NTRK1: variants seen among roughly 807,000 people sequenced by gnomAD.
The protein encoded by NTRK1 is high affinity nerve growth factor receptor.
In NTRK1, 62 loss-of-function variants were observed where a neutral mutation model predicts 86.8. That is an observed-to-expected ratio of 0.71 (90% CI 0.58 to 0.88). NTRK1 has a LOEUF of 0.88. Ranked by LOEUF, NTRK1 falls within the 40% of genes least tolerant of loss-of-function variation. The pLI is 0.00. For missense variants in NTRK1, 967 were observed against 1,078.4 expected (o/e 0.90, Z 1.45); for synonymous variants, 469 against 456.6 (o/e 1.03, Z -0.35).
chr1:156,842,457 C>G (rs755932101), intron 2 of NTRK1: 40 of 1,613,998 alleles, frequency 2.5e-5, no homozygotes, highest in Non-Finnish European at 3.3e-5. Context: ...GTCATTAACT[C>G]CATGATGACC....
chr1:156,849,926 T>C (rs1157806914), intron 2 of NTRK1, among the ~76,000 whole-genome samples: 2 of 151,874 alleles, frequency 1.3e-5, no homozygotes, highest in Non-Finnish European at 2.9e-5. Flanking sequence ...CTTTTTTTTT[T>C]TTTCCTCACT....
rs750677475 is a variant in NTRK1, at chr1:156,873,776, T to A, written c.994T>A (p.Phe332Ile). Residue 332 changes from phenylalanine (F) to isoleucine (I), a missense_variant, in exon 8 of 17, where the codon TTC becomes ATC. This residue lies in a region of NTRK1 where 637 missense variants were observed against 776.5 expected (regional missense o/e 0.82). Coordinates refer to ENST00000524377, the MANE Select transcript of NTRK1 (RefSeq NM_002529.4). ...TGAGACCAGCTTCATCTTCACTGAG[T>A]TCCTGGAGCCGGCAGCCAATGAGAC... ...LNETSFIFTE[F>I]LEPAANETVR... 2 of 1,613,074 alleles carry A rather than the reference T, an allele frequency of 1.2e-6. No homozygotes were observed. The highest frequency in any genetic ancestry group is 3.3e-5 in the Admixed American group (2 of 59,894).
chr1:156,866,854 C>T (rs568788773), intron 3 of NTRK1, 56 bp from the exon 4 acceptor site: 276 of 1,571,582 alleles, frequency 1.8e-4, no homozygotes, highest in Non-Finnish European at 2.3e-4. Flanking sequence ...TCATTCTGGT[C>T]AGAGTGAGGT....
At chr1:156,845,923 C>A in intron 2 of NTRK1, 1 of 1,604,838 alleles carries the variant, frequency 6.2e-7, no homozygotes, top group Non-Finnish European at 8.5e-7. Flanking sequence ...ACCCGCCCCG[C>A]GGCCGGCCTG....
intron 1 of NTRK1, among the ~76,000 whole-genome samples, chr1:156,830,472 T>G (rs1388311406): frequency 1.3e-5 from 2 of 152,030 alleles, no homozygotes; most frequent in African/African-American, 4.8e-5. Flanking sequence ...CTGGGCAAGT[T>G]TCTTGATCTC....
intron 1 of NTRK1, among the ~76,000 whole-genome samples, chr1:156,838,374 G>GT (rs372028318): frequency 0.1 from 14,783 of 145,304 alleles, 818 homozygotes; most frequent in African/African-American, 0.15. Context: ...CCAGCTACAG[G>GT]CTTTTTTTTT....
chr1:156,862,661 C>T (rs754196046), intron 1 of NTRK1, among the ~76,000 whole-genome samples: 38 of 152,054 alleles, frequency 2.5e-4, no homozygotes, highest in Non-Finnish European at 4.7e-4. Flanking sequence ...ATAATGGACT[C>T]GAATAGACAG....
intron 1 of NTRK1, among the ~76,000 whole-genome samples, chr1:156,819,075 T>C (rs1228594402): frequency 6.6e-6 from 1 of 152,186 alleles, no homozygotes; most frequent in African/African-American, 2.4e-5. Context: ...CTATCTCGGC[T>C]CACTGCAACC....
In NTRK1 at chr1:156,871,570, G is replaced by A. The variant is rs79195317; in HGVS notation, c.718-53G>A. ...GGGCTCTCCAAAGACTTCAGCCCCA[G>A]CCCCAAGCTGGCTAAAGCTCCTTCT... On this transcript the variant is annotated intron_variant, in intron 6 of 16. Coordinates refer to ENST00000524377, the MANE Select transcript of NTRK1 (RefSeq NM_002529.4). The A allele has an allele frequency of 1.6e-4, 251 of 1,608,222 alleles. 2 individuals carry two copies. In the East Asian group the frequency reaches 5.4e-3, roughly 34 times the overall value.
chr1:156,842,584 C>A, intron 2 of NTRK1: 1 of 1,089,156 alleles, frequency 9.2e-7, no homozygotes, highest in Non-Finnish European at 1.4e-6. Context: ...TCTGCTATGA[C>A]CACAGTCTGA....
intron 12 of NTRK1, 191 bp downstream of exon 12, chr1:156,875,857 C>T (rs1647871339): frequency 9.2e-7 from 1 of 1,083,080 alleles, no homozygotes. Context: ...GCTGCATCCC[C>T]TGCCCAGAGT....
At chr1:156,816,298 G>A (rs1365397430) in intron 1 of NTRK1, among the ~76,000 whole-genome samples, 1 of 152,218 alleles carries the variant, frequency 6.6e-6, no homozygotes, top group Admixed American at 6.5e-5. Context: ...TGCCAGAGGA[G>A]GTTGTGAGGG....
chr1:156,843,017 T>C (rs1205897929), intron 2 of NTRK1: 1 of 1,613,540 alleles, frequency 6.2e-7, no homozygotes. Flanking sequence ...ATGGTGACAC[T>C]TGAAGGCTTT....
intron 2 of NTRK1, chr1:156,848,792 A>G: frequency 8.9e-7 from 1 of 1,126,318 alleles, no homozygotes; most frequent in African/African-American, 1.6e-5. Context: ...ACCACGGAGT[A>G]CAACTTGCGG....
In NTRK1 at chr1:156,866,997, A is replaced by G. The variant is rs192153341; in HGVS notation, c.428+19A>G. On this transcript the variant is annotated intron_variant, in intron 4 of 16. Coordinates refer to ENST00000524377, the MANE Select transcript of NTRK1 (RefSeq NM_002529.4). Reference sequence around the variant, plus strand: ...AGGAACTGTGAGTGGGGGCGCTTCCAGGGGCAAGAGCACCAAGTGTGTGTG... The same window carrying G: ...AGGAACTGTGAGTGGGGGCGCTTCCGGGGGCAAGAGCACCAAGTGTGTGTG... 387 of 1,613,302 alleles carry G rather than the reference A, an allele frequency of 2.4e-4. 1 individual carries two copies. In the East Asian group the frequency reaches 7.9e-3, roughly 33 times the overall value.
intron 1 of NTRK1, among the ~76,000 whole-genome samples, chr1:156,839,334 C>T (rs1479800674): frequency 6.6e-6 from 1 of 152,254 alleles, no homozygotes; most frequent in Non-Finnish European, 1.5e-5. Context: ...TGTGGCATGG[C>T]AGCTATGCCC....
At chr1:156,817,996 C>T (rs1470412984) in intron 1 of NTRK1, among the ~76,000 whole-genome samples, 1 of 152,170 alleles carries the variant, frequency 6.6e-6, no homozygotes, top group Admixed American at 6.5e-5. Context: ...TACCAAAGGA[C>T]CAATCCCATT....
exon 1 of NTRK1, chr1:156,815,776 C>G: frequency 1.2e-6 from 2 of 1,611,846 alleles, no homozygotes; most frequent in Non-Finnish European, 1.7e-6. Context: ...CGGACTCAGC[C>G]TGAGCTTCCA....
chr1:156,829,657 T>G (rs1017616075), intron 1 of NTRK1, among the ~76,000 whole-genome samples: 1 of 152,050 alleles, frequency 6.6e-6, no homozygotes, highest in Non-Finnish European at 1.5e-5. Flanking sequence ...TCTTTTTCTT[T>G]TTTCTTTTTT....
Sources: allele counts gnomAD v4.1 joint callset (sites outside exome capture counted in the v4.1 genomes callset), GRCh38; gene constraint gnomAD v4.1.1; regional missense constraint gnomAD v4.1.1; transcripts MANE v1.5; gene names NCBI Gene and HGNC (gene_info 2026-07-23, HGNC 2026-07-21).